The following COL5A1 variants were observed in gnomAD, a reference collection of about 807,000 sequenced individuals.
COL5A1 encodes the protein collagen type V alpha 1 chain.
Under a neutral mutation model 263.7 loss-of-function variants are expected in COL5A1, and 16 were observed. That is an observed-to-expected ratio of 0.06 (90% CI 0.04 to 0.09). COL5A1 has a LOEUF of 0.09. COL5A1 is among the 10% of genes least tolerant of loss of function. The probability of loss-of-function intolerance (pLI) is 1.00; values close to 1 mark genes in which losing one functional copy is unlikely to be tolerated. For missense variants in COL5A1, 2,036 were observed against 2,540.5 expected (o/e 0.80, Z 4.27); for synonymous variants, 1,012 against 1,004.5 (o/e 1.01, Z -0.14).
chr9:134,810,182 T>A, intron 43 of COL5A1, 73 bp from the exon 44 acceptor site: 2 of 1,546,212 alleles, frequency 1.3e-6, no homozygotes, highest in Admixed American at 1.7e-5. Flanking sequence ...CCAAGAAAAA[T>A]TCATTACGGG....
intron 63 of COL5A1, among the ~76,000 whole-genome samples, chr9:134,829,314 C>CTCA (rs1168419870): frequency 3.4e-5 from 5 of 149,166 alleles, no homozygotes; most frequent in Non-Finnish European, 7.4e-5. Context: ...TGGGGCCAGG[C>CTCA]TCCTCACACG....
intron 1 of COL5A1, among the ~76,000 whole-genome samples, chr9:134,676,183 C>T (rs181218741): frequency 2.6e-5 from 4 of 152,338 alleles, no homozygotes; most frequent in Middle Eastern, 3.4e-3. Flanking sequence ...CAGCCCCTTT[C>T]CAGAAGTAAC....
At chr9:134,650,083 T>C (rs1257030199) in intron 1 of COL5A1, among the ~76,000 whole-genome samples, 1 of 152,072 alleles carries the variant, frequency 6.6e-6, no homozygotes, top group Non-Finnish European at 1.5e-5. Flanking sequence ...ATACCTAATG[T>C]AGATGACAGG....
intron 1 of COL5A1, among the ~76,000 whole-genome samples, chr9:134,666,657 C>G (rs1281025742): frequency 6.6e-6 from 1 of 152,178 alleles, no homozygotes; most frequent in East Asian, 1.9e-4. Context: ...CTAGTTTGTC[C>G]TTTCTCTACC....
In COL5A1 at chr9:134,642,305, G is replaced by A; in HGVS notation, c.109+9G>A. On this transcript the variant is annotated intron_variant, in intron 1 of 65. Transcript: ENST00000371817. This position sits in a 1 kb window ranked among gnomAD's most constrained non-coding sequence, Gnocchi z 4.5. The stretch of plus-strand genomic sequence containing the variant: ...GCCTCCGAGCCGCGCAGGTAAGGGC[G>A]CCCCGGGGCGCGGGGCTGCGGGATG... The A allele has an allele frequency of 1.1e-6, 1 of 933,020 alleles. No homozygotes were observed. Among genetic ancestry groups the A allele is most frequent in the East Asian group, 4.4e-5 (1 of 22,786 alleles). The allele number at this position is 933,020 out of a possible 1,614,324, so 57.8% of individuals were successfully genotyped here.
chr9:134,784,305 A>G (rs1297962117), intron 29 of COL5A1, among the ~76,000 whole-genome samples: 1 of 152,216 alleles, frequency 6.6e-6, no homozygotes, highest in African/African-American at 2.4e-5. Context: ...AGCTGCTCTT[A>G]GAGACAGATG....
At chr9:134,767,394 T>G in intron 24 of COL5A1, 40 bp downstream of exon 24, 2 of 1,598,856 alleles carry the variant, frequency 1.3e-6, no homozygotes, top group Non-Finnish European at 1.7e-6. Context: ...ACTGCCCGCC[T>G]GCAGGTGGAT....
Position 134,754,452 on chromosome 9 carries a change from G to A in COL5A1, c.1827+126G>A, listed in dbSNP as rs1001134050. On this transcript the variant is annotated intron_variant, in intron 16 of 65. Transcript: ENST00000371817. The surrounding 1 kb of genome is among the most constrained non-coding windows in gnomAD (Gnocchi z 4.3). ...GAAGCCAGGTGGCTCCCCTTCTTGT[G>A]ATGGGTGCGTCCATCCCCAAGGCTG... 5 of 1,076,748 alleles carry A rather than the reference G, an allele frequency of 4.6e-6. No homozygotes were observed. The African/African-American group carries it at 6.2e-5, about 13-fold the overall frequency. The allele number at this position is 1,076,748 out of a possible 1,614,324, so 66.7% of individuals were successfully genotyped here.
chr9:134,752,532 C>A, intron 13 of COL5A1, 57 bp from the exon 14 acceptor site: 2 of 1,380,814 alleles, frequency 1.4e-6, no homozygotes, highest in Non-Finnish European at 2.1e-6. Context: ...CAGGCGCCAG[C>A]AAACCGGAGC....
rs1173312950 is a variant in COL5A1, at chr9:134,754,355, T to C, written c.1827+29T>C. The C allele has an allele frequency of 6.2e-7, 1 of 1,613,794 alleles. No homozygotes were observed. Among genetic ancestry groups the C allele is most frequent in the Non-Finnish European group, 8.5e-7 (1 of 1,179,956 alleles). ...AGTGGTGCGAGTGTGTGTGGTTTAGTGACAGCAGCTTGGGCGCTGGAGGAG... is the reference window on the plus strand; with the variant it reads ...AGTGGTGCGAGTGTGTGTGGTTTAGCGACAGCAGCTTGGGCGCTGGAGGAG... On this transcript the variant is annotated intron_variant, in intron 16 of 65. Coordinates refer to ENST00000371817, the MANE Select transcript of COL5A1 (RefSeq NM_000093.5). This position sits in a 1 kb window ranked among gnomAD's most constrained non-coding sequence, Gnocchi z 4.3.
At chr9:134,795,888 G>A (rs76703227) in intron 34 of COL5A1, among the ~76,000 whole-genome samples, 9,836 of 152,268 alleles carry the variant, frequency 0.065, 468 homozygotes, top group African/African-American at 0.13. Flanking sequence ...CTGAGGGGCC[G>A]AGCTGGCCCG....
chr9:134,790,250 C>A (rs1460412272), intron 32 of COL5A1, among the ~76,000 whole-genome samples: 1 of 152,182 alleles, frequency 6.6e-6, no homozygotes, highest in Non-Finnish European at 1.5e-5. Context: ...CAGCACAGAC[C>A]CAAGGAGACT....
intron 36 of COL5A1, among the ~76,000 whole-genome samples, chr9:134,797,541 G>A (rs1837956909): frequency 6.6e-6 from 1 of 152,166 alleles, no homozygotes; most frequent in South Asian, 2.1e-4. Context: ...GGAGTGCATT[G>A]GCTCGATCTC....
chr9:134,791,933 G>C (rs1837704290), intron 32 of COL5A1, among the ~76,000 whole-genome samples: 1 of 152,200 alleles, frequency 6.6e-6, no homozygotes, highest in African/African-American at 2.4e-5. Context: ...TGGCTGTGAT[G>C]ATGAAGGACA....
At chr9:134,721,874 A>G (rs1040367723) in intron 4 of COL5A1, among the ~76,000 whole-genome samples, 1 of 152,200 alleles carries the variant, frequency 6.6e-6, no homozygotes, top group Admixed American at 6.5e-5. Flanking sequence ...CTGGGCACCC[A>G]GGTGTTCAGG....
intron 4 of COL5A1, among the ~76,000 whole-genome samples, chr9:134,723,294 T>C (rs1186989459): frequency 6.8e-6 from 1 of 147,788 alleles, no homozygotes; most frequent in African/African-American, 2.6e-5. Flanking sequence ...TCGGCGGTGC[T>C]GTCCATGATG....
chr9:134,682,616 C>T lies in COL5A1; in HGVS notation c.110-8296C>T, dbSNP rs149650859. On this transcript the variant is annotated intron_variant, in intron 1 of 65. Transcript: ENST00000371817. The surrounding 1 kb of genome is among the most constrained non-coding windows in gnomAD (Gnocchi z 5.1). Reference sequence around the variant, plus strand: ...GAATCCCGGAGGTCAGGCAGGTGGGCGAGTCAGAACTGAGGGGCACTCCTT... The same window carrying T: ...GAATCCCGGAGGTCAGGCAGGTGGGTGAGTCAGAACTGAGGGGCACTCCTT... Among the ~76,000 whole-genome samples, 861 of 152,274 alleles carry T rather than the reference C, an allele frequency of 5.7e-3. 8 individuals are homozygous for T. The highest frequency in any genetic ancestry group is 0.02 in the African/African-American group (818 of 41,564).
intron 28 of COL5A1, 79 bp from the exon 29 acceptor site, chr9:134,782,588 T>G: frequency 1.1e-5 from 15 of 1,315,026 alleles, no homozygotes; most frequent in Non-Finnish European, 1.5e-5. Flanking sequence ...CTGAGTGTGG[T>G]TGTTTGGAGC....
intron 11 of COL5A1, among the ~76,000 whole-genome samples, chr9:134,748,774 T>C (rs1835669975): frequency 6.6e-6 from 1 of 152,194 alleles, no homozygotes; most frequent in African/African-American, 2.4e-5. Flanking sequence ...TGTCGGGCAG[T>C]GTTTGTCATA....
Sources: allele counts gnomAD v4.1 joint callset (sites outside exome capture counted in the v4.1 genomes callset), GRCh38; gene constraint gnomAD v4.1.1; non-coding constraint Gnocchi (gnomAD v3.1); transcripts MANE v1.5; gene names NCBI Gene and HGNC (gene_info 2026-07-23, HGNC 2026-07-21).